The following PGM5 variants were observed in gnomAD, a reference collection of about 807,000 sequenced individuals.
PGM5 encodes the protein phosphoglucomutase 5, also known as phosphoglucomutase-like protein 5.
PGM5 carries 23 observed loss-of-function variants against 59.2 expected under a neutral mutation model. The ratio of observed to expected loss-of-function variants is 0.39; its 90% CI spans 0.28 to 0.55. The LOEUF (loss-of-function observed/expected upper bound fraction) is 0.55. Ranked by LOEUF, PGM5 falls within the 20% of genes least tolerant of loss-of-function variation. PGM5 has a pLI of 0.66. For missense variants in PGM5, 574 were observed against 748.3 expected (o/e 0.77, Z 2.72); for synonymous variants, 214 against 286.0 (o/e 0.75, Z 2.54).
chr9:68,433,388 C>A (rs550505577), intron 6 of PGM5, among the ~76,000 whole-genome samples: 2 of 152,328 alleles, frequency 1.3e-5, no homozygotes, highest in South Asian at 2.1e-4. Flanking sequence ...CTGTTTCAAA[C>A]CAATATGAAA....
At chr9:68,433,297 A>G (rs1396575570) in intron 6 of PGM5, among the ~76,000 whole-genome samples, 3 of 152,242 alleles carry the variant, frequency 2.0e-5, no homozygotes, top group Admixed American at 1.3e-4. Flanking sequence ...AGTGGAACAG[A>G]AGATGACCTC....
rs116585130 is a variant in PGM5, at chr9:68,424,006, A to G, written c.1043+31533A>G. Reference sequence around the variant, plus strand: ...CTGTATCTCTTGACAAAATAAGTAGACATAGTCTGTGGCCAATTTTCTTCT... The same window carrying G: ...CTGTATCTCTTGACAAAATAAGTAGGCATAGTCTGTGGCCAATTTTCTTCT... On this transcript the variant is annotated intron_variant, in intron 6 of 10. Coordinates refer to ENST00000396396, the MANE Select transcript of PGM5 (RefSeq NM_021965.4). Among the ~76,000 whole-genome samples the G allele has an allele frequency of 2.1e-3, 315 of 152,242 alleles. 3 individuals are homozygous for G. The highest frequency in any genetic ancestry group is 7.2e-3 in the African/African-American group (301 of 41,540).
Position 68,437,596 on chromosome 9 carries a change from C to T in PGM5, c.1044-27497C>T, listed in dbSNP as rs1823460089. 6.7e-6 allele frequency among the ~76,000 whole-genome samples: 1 copy of T among 149,682 alleles called. No homozygotes were observed. The highest frequency in any genetic ancestry group is 2.6e-5 in the African/African-American group (1 of 39,210). On this transcript the variant is annotated intron_variant, in intron 6 of 10. Coordinates refer to ENST00000396396, the MANE Select transcript of PGM5 (RefSeq NM_021965.4). The surrounding 1 kb of genome is among the most constrained non-coding windows in gnomAD (Gnocchi z 4.1). ...ACACACTCACACACACACACACACA[C>T]ACACTCTCACACATTTTACCCACAC...
intron 9 of PGM5, among the ~76,000 whole-genome samples, chr9:68,486,881 A>C (rs1251949253): frequency 6.6e-6 from 1 of 152,222 alleles, no homozygotes; most frequent in Non-Finnish European, 1.5e-5. Context: ...ACCACTTGAC[A>C]TTCCTGCCAA....
rs368417025 is a variant in PGM5, at chr9:68,423,629, A to ATCTCTCTC, written c.1043+31174_1043+31181dup. 5.0e-3 allele frequency among the ~76,000 whole-genome samples: 652 copies of ATCTCTCTC among 129,334 alleles called. 9 individuals are homozygous for ATCTCTCTC. The highest frequency in any genetic ancestry group is 0.018 in the African/African-American group (618 of 34,648). The allele number at this position is 129,334 out of a possible 152,430, so 84.8% of individuals were successfully genotyped here. A position where few individuals can be genotyped will look rare whatever the true frequency, so the allele number is the denominator to read the frequency against. The stretch of plus-strand genomic sequence containing the variant: ...TGGGAAATAACCCCAAGAGCACAAA[A>ATCTCTCTC]TCTCTCTCTCTCTCTCTCTCTCTCT... On this transcript the variant is annotated intron_variant, in intron 6 of 10. Transcript: ENST00000396396.
chr9:68,442,771 A>T (rs782545613), intron 6 of PGM5, among the ~76,000 whole-genome samples: 19 of 152,248 alleles, frequency 1.2e-4, no homozygotes, highest in Admixed American at 2.6e-4. Context: ...ACCAGAGAGG[A>T]TATATGGATG....
chr9:68,438,156 G>A (rs1823468805), intron 6 of PGM5, among the ~76,000 whole-genome samples: 1 of 151,856 alleles, frequency 6.6e-6, no homozygotes, highest in African/African-American at 2.4e-5. Context: ...GAGCGTGGTG[G>A]CACACACCTG....
At chr9:68,449,221 G>A (rs1823659165) in intron 6 of PGM5, among the ~76,000 whole-genome samples, 2 of 152,246 alleles carry the variant, frequency 1.3e-5, no homozygotes, top group Middle Eastern at 6.8e-3. Context: ...ATATCACGTT[G>A]GGGGTTAAGA....
chr9:68,524,055 G>A (rs1824935457), intron 10 of PGM5, among the ~76,000 whole-genome samples: 1 of 151,982 alleles, frequency 6.6e-6, no homozygotes, highest in Admixed American at 6.6e-5. Flanking sequence ...AAGCAAAAGA[G>A]AAGATGGGAG....
intron 6 of PGM5, chr9:68,402,366 G>A (rs531813994): frequency 1.3e-5 from 2 of 152,280 alleles, no homozygotes; most frequent in East Asian, 3.9e-4. Context: ...ATAAAACAAA[G>A]CATCTCTCTT....
intron 6 of PGM5, among the ~76,000 whole-genome samples, chr9:68,459,008 C>T (rs782395351): frequency 3.9e-5 from 6 of 152,136 alleles, no homozygotes; most frequent in African/African-American, 9.7e-5. Flanking sequence ...TGGGAGTGAA[C>T]TCATCAATGT....
chr9:68,504,680 G>C (rs781912043), intron 10 of PGM5, among the ~76,000 whole-genome samples: 2 of 151,844 alleles, frequency 1.3e-5, no homozygotes, highest in Non-Finnish European at 2.9e-5. Flanking sequence ...ACCCTGCTTT[G>C]CTTTCTCCAT....
intron 7 of PGM5, among the ~76,000 whole-genome samples, chr9:68,471,970 C>CAAA (rs35694675): frequency 1.6e-4 from 21 of 128,426 alleles, no homozygotes; most frequent in African/African-American, 5.4e-4. Flanking sequence ...GCCTTGGTGA[C>CAAA]AAAAAAAAAA....
chr9:68,372,982 A>G (rs1158649283), intron 1 of PGM5, among the ~76,000 whole-genome samples: 4 of 152,090 alleles, frequency 2.6e-5, no homozygotes, highest in Non-Finnish European at 5.9e-5. Flanking sequence ...CCCCACCGCT[A>G]ACACTGAGGA....
At chr9:68,380,998 A>G (rs1387485616) in intron 2 of PGM5, among the ~76,000 whole-genome samples, 17 of 151,960 alleles carry the variant, frequency 1.1e-4, no homozygotes, top group African/African-American at 3.6e-4. Context: ...GAATTTTATC[A>G]AACATTCAAA....
chr9:68,431,429 T>A (rs781857127), intron 6 of PGM5, among the ~76,000 whole-genome samples: 5 of 152,216 alleles, frequency 3.3e-5, no homozygotes, highest in South Asian at 2.1e-4. Context: ...CCTTGAGGGT[T>A]CAGAGTGAGG....
Position 68,483,973 on chromosome 9 carries a change from C to A in PGM5, c.1404C>A (p.Ser468Arg). Residue 468 changes from serine (S) to arginine (R), a missense_variant, in exon 9 of 11, where the codon AGC (serine) becomes AGA (arginine). This residue lies in a region of PGM5 where 300 missense variants were observed against 280.0 expected (regional missense o/e 1.07). Transcript: ENST00000396396. ...TTGGCCAGCAGTTTGCTGTGGGGAG[C>A]CATGTCTACAGCGTGGCGAAGACGG... is the stretch of plus-strand genomic sequence containing the variant. ...SFIGQQFAVG[S>R]HVYSVAKTDS... 1.2e-6 allele frequency: 2 copies of A among 1,613,992 alleles called. No individual in the cohort carries two copies. Among genetic ancestry groups the A allele is most frequent in the Non-Finnish European group, 1.7e-6 (2 of 1,179,940 alleles).
intron 10 of PGM5, among the ~76,000 whole-genome samples, chr9:68,517,233 A>G (rs1824837517): frequency 6.6e-6 from 1 of 152,026 alleles, no homozygotes; most frequent in African/African-American, 2.4e-5. Flanking sequence ...GAGAGTTTGC[A>G]TCTCAGGGCA....
intron 7 of PGM5, among the ~76,000 whole-genome samples, chr9:68,473,248 G>T (rs1424785786): frequency 1.3e-5 from 2 of 152,066 alleles, no homozygotes; most frequent in Non-Finnish European, 2.9e-5. Context: ...AGGATGAGAA[G>T]GCTGCAAATT....
Sources: allele counts gnomAD v4.1 joint callset (sites outside exome capture counted in the v4.1 genomes callset), GRCh38; gene constraint gnomAD v4.1.1; regional missense constraint gnomAD v4.1.1; non-coding constraint Gnocchi (gnomAD v3.1); transcripts MANE v1.5; gene names NCBI Gene and HGNC (gene_info 2026-07-23, HGNC 2026-07-21).